NRXN3: variants seen among roughly 807,000 people sequenced by gnomAD.
NRXN3 encodes neurexin 3.
A neutral mutation model predicts 137.6 loss-of-function variants in NRXN3; 32 were observed. The observed-to-expected ratio is 0.23, with a 90% CI of 0.18 to 0.31. NRXN3 has a LOEUF of 0.31. Among genes scored for constraint, NRXN3 ranks in the 10% least tolerant of loss-of-function variants. The pLI is 1.00. For missense variants in NRXN3, 1,574 were observed against 2,062.5 expected, an observed-to-expected ratio of 0.76 and a Z score of 4.59; for synonymous variants, 798 against 784.5, an observed-to-expected ratio of 1.02 and a Z score of -0.29.
chr14:78,294,257 T>C (rs1419929273), intron 3 of NRXN3, among the ~76,000 whole-genome samples: 1 of 152,104 alleles, frequency 6.6e-6, no homozygotes, highest in Non-Finnish European at 1.5e-5. Flanking sequence ...CAACAACTGT[T>C]ATAAAGCTCG....
chr14:78,868,493 A>C (rs1212392593), intron 10 of NRXN3, among the ~76,000 whole-genome samples: 4 of 152,138 alleles, frequency 2.6e-5, no homozygotes, highest in Non-Finnish European at 5.9e-5. Context: ...AGATGGAGTT[A>C]GTGTTTTGTT....
intron 1 of NRXN3, among the ~76,000 whole-genome samples, chr14:78,173,763 A>G (rs2058997326): frequency 1.6e-5 from 2 of 121,966 alleles, no homozygotes; most frequent in African/African-American, 3.3e-5. Flanking sequence ...CCTACATGCC[A>G]CACGGATGCA....
At chr14:79,838,000 A>G (rs1318927268) in intron 20 of NRXN3, among the ~76,000 whole-genome samples, 1 of 152,154 alleles carries the variant, frequency 6.6e-6, no homozygotes, top group African/African-American at 2.4e-5. Flanking sequence ...TCTATCAAAA[A>G]ATTCTACCTA....
In NRXN3 at chr14:78,967,218, T is replaced by C. The variant is rs2099420040; in HGVS notation, c.2788T>C (p.Tyr930His). The C allele has an allele frequency of 1.2e-6, 2 of 1,604,608 alleles. No individual in the cohort carries two copies. Among genetic ancestry groups the C allele is most frequent in the Non-Finnish European group, 1.7e-6 (2 of 1,173,192 alleles). Residue 930 changes from tyrosine to histidine, a missense_variant, in exon 13 of 21, where the codon TAC becomes CAC. Transcript: ENST00000335750. ...AVELVKGYIH[Y>H]VFDLGNGPNV... is the part of the protein sequence containing the mutation. The stretch of plus-strand genomic sequence containing the variant: ...TTTTTTTCTTCCTAGGTATATACAC[T>C]ACGTTTTTGACCTCGGAAACGGTCC...
intron 15 of NRXN3, among the ~76,000 whole-genome samples, chr14:79,358,785 G>A (rs982623924): frequency 6.6e-6 from 1 of 152,036 alleles, no homozygotes; most frequent in East Asian, 1.9e-4. Flanking sequence ...TTGAGGAACT[G>A]TTTGACCGTC....
chr14:78,623,709 A>T (rs1024001044), intron 4 of NRXN3, among the ~76,000 whole-genome samples: 1 of 152,058 alleles, frequency 6.6e-6, no homozygotes, highest in Non-Finnish European at 1.5e-5. Context: ...TGGTATTTAT[A>T]GGCACACACC....
intron 4 of NRXN3, among the ~76,000 whole-genome samples, chr14:78,501,476 A>G (rs948174069): frequency 7.2e-5 from 11 of 152,258 alleles, no homozygotes; most frequent in African/African-American, 2.6e-4. Flanking sequence ...AACAAGACAG[A>G]AGCTATAGTC....
chr14:78,465,519 TTTTGTTTG>T (rs1008739819), intron 4 of NRXN3, among the ~76,000 whole-genome samples: 11 of 152,220 alleles, frequency 7.2e-5, no homozygotes, highest in South Asian at 2.1e-4. Context: ...ATTTAAGGTT[TTTTGTTTG>T]TTTGTTTGTT....
Position 79,668,530 on chromosome 14 carries a change from C to T in NRXN3, c.3616+4581C>T, listed in dbSNP as rs146818325. On this transcript the variant is annotated intron_variant, in intron 17 of 20. Transcript: ENST00000335750. ...GATCCTCAGACTGCACAGCCTCAAACTTTCTGCTCACTTTCCTATTTCTCA... is the reference window on the plus strand; with the variant it reads ...GATCCTCAGACTGCACAGCCTCAAATTTTCTGCTCACTTTCCTATTTCTCA... Among the ~76,000 whole-genome samples, 6 of 152,224 alleles carry T rather than the reference C, an allele frequency of 3.9e-5. No individual in the cohort carries two copies. In the East Asian group the frequency reaches 1.2e-3, roughly 30 times the overall value.
At chr14:79,785,893 TAAG>T (rs2099127908) in intron 19 of NRXN3, among the ~76,000 whole-genome samples, 1 of 151,876 alleles carries the variant, frequency 6.6e-6, no homozygotes, top group African/African-American at 2.4e-5. Flanking sequence ...AACCATCTCT[TAAG>T]AAACACTTTG....
intron 15 of NRXN3, among the ~76,000 whole-genome samples, chr14:79,371,648 C>T (rs2094114287): frequency 6.6e-6 from 1 of 151,952 alleles, no homozygotes; most frequent in Non-Finnish European, 1.5e-5. Context: ...AAAACAGGGC[C>T]CTCACTTCAC....
At chr14:79,497,360 T>C (rs2096777273) in intron 16 of NRXN3, among the ~76,000 whole-genome samples, 1 of 152,196 alleles carries the variant, frequency 6.6e-6, no homozygotes, top group Non-Finnish European at 1.5e-5. Context: ...TTTGCTCTTG[T>C]TGACCTGAGT....
chr14:79,307,702 G>T (rs1434968153), intron 15 of NRXN3, among the ~76,000 whole-genome samples: 1 of 152,058 alleles, frequency 6.6e-6, no homozygotes, highest in Admixed American at 6.6e-5. Flanking sequence ...AGCAATGTCT[G>T]ATCCTAATTT....
At chr14:78,825,347 G>A (rs935272013) in intron 10 of NRXN3, among the ~76,000 whole-genome samples, 3 of 152,030 alleles carry the variant, frequency 2.0e-5, no homozygotes, top group Admixed American at 2.0e-4. Flanking sequence ...AAACAACATG[G>A]GTGGCAGAGT....
intron 16 of NRXN3, among the ~76,000 whole-genome samples, chr14:79,528,576 G>A (rs964876251): frequency 1.3e-5 from 2 of 151,996 alleles, no homozygotes; most frequent in Non-Finnish European, 2.9e-5. Context: ...ATATTCAAAT[G>A]TGAACAGTGA....
rs2099417638 is a variant in NRXN3 at position 79,865,287 on chromosome 14, C to G, written c.*3323C>G. 6.6e-6 allele frequency: 1 copy of G among 152,130 alleles called. No homozygotes were observed. The highest frequency in any genetic ancestry group is 2.1e-4 in the South Asian group (1 of 4,834). The allele number at this position is 152,130 out of a possible 1,614,324, so 9.4% of individuals were successfully genotyped here. On this transcript the variant is annotated 3_prime_UTR_variant, in exon 21 of 21. Coordinates refer to ENST00000335750, the MANE Select transcript of NRXN3 (RefSeq NM_001330195.2). ...AGCTTCTTACAAGAATTTCTGATTA[C>G]AACTTGTTTCATACACCCATTGTAG...
Position 79,790,707 on chromosome 14 carries a change from G to A in NRXN3, c.4015-14405G>A, listed in dbSNP as rs561550438. Among the ~76,000 whole-genome samples, 20 of 136,634 alleles carry A rather than the reference G, an allele frequency of 1.5e-4. 1 individual carries two copies. In the South Asian group the frequency reaches 4.2e-3, roughly 29 times the overall value. The allele number at this position is 136,634 out of a possible 152,430, so 89.6% of individuals were successfully genotyped here. A position where few individuals can be genotyped will look rare whatever the true frequency, so the allele number is the denominator to read the frequency against. ...GTGATCTCAGCTCACTGCAACCTCC[G>A]CCTCCCAGGTTCAAGCGATTCTCCT... On this transcript the variant is annotated intron_variant, in intron 19 of 20. Coordinates refer to ENST00000335750, the MANE Select transcript of NRXN3 (RefSeq NM_001330195.2).
At chr14:79,064,677 ATTAT>A (rs2099678462) in intron 15 of NRXN3, among the ~76,000 whole-genome samples, 2 of 148,878 alleles carry the variant, frequency 1.3e-5, no homozygotes, top group Admixed American at 1.3e-4. Flanking sequence ...ATTATATAAA[ATTAT>A]TTATACATAT....
At chr14:79,299,286 C>T (rs756326495) in intron 15 of NRXN3, among the ~76,000 whole-genome samples, 8 of 151,948 alleles carry the variant, frequency 5.3e-5, no homozygotes, top group African/African-American at 9.7e-5. Flanking sequence ...ATGTAGAGGA[C>T]GAAATGTGAG....
Sources: allele counts gnomAD v4.1 joint callset (sites outside exome capture counted in the v4.1 genomes callset), GRCh38; gene constraint gnomAD v4.1.1; transcripts MANE v1.5; gene names NCBI Gene and HGNC (gene_info 2026-07-23, HGNC 2026-07-21).